HMGCLL1: variants seen among roughly 807,000 people sequenced by gnomAD.
The protein encoded by HMGCLL1 is 3-hydroxy-3-methylglutaryl-CoA lyase like 1, also known as 3-hydroxymethyl-3-methylglutaryl-CoA lyase, cytoplasmic.
HMGCLL1 carries 36 observed loss-of-function variants against 39.1 expected under a neutral mutation model. That is an observed-to-expected ratio of 0.92 (90% confidence interval 0.71 to 1.22). The LOEUF (loss-of-function observed/expected upper bound fraction) is 1.22, where lower values mean the gene tolerates loss of function less well. HMGCLL1 is among the 50% of genes most tolerant of loss of function. HMGCLL1 has a pLI of 0.00. For synonymous variants in HMGCLL1, 149 were observed against 144.0 expected, an observed-to-expected ratio of 1.03 and a Z score of -0.25; for missense variants, 451 against 416.5, an observed-to-expected ratio of 1.08 and a Z score of -0.72.
At chr6:55,469,535 A>G (rs143029483) in intron 7 of HMGCLL1, among the ~76,000 whole-genome samples, 152 of 151,056 alleles carry the variant, frequency 1.0e-3, no homozygotes, top group African/African-American at 3.5e-3. Context: ...ATGTAATAAA[A>G]TGGAAAGGAG....
chr6:55,569,473 A>C (rs1257072525), intron 1 of HMGCLL1, among the ~76,000 whole-genome samples: 1 of 152,202 alleles, frequency 6.6e-6, no homozygotes, highest in Non-Finnish European at 1.5e-5. Context: ...TTTAGGAAGC[A>C]CTGGTATCAT....
chr6:55,502,348 T>C (rs966969992), intron 5 of HMGCLL1, among the ~76,000 whole-genome samples: 1 of 151,780 alleles, frequency 6.6e-6, no homozygotes, highest in Non-Finnish European at 1.5e-5. Flanking sequence ...TATCTCAGGA[T>C]CTGCTATACT....
chr6:55,611,169 A>G, the HMGCLL1 span, among the ~76,000 whole-genome samples: 5 of 152,220 alleles, frequency 3.3e-5, no homozygotes, highest in African/African-American at 1.2e-4. Flanking sequence ...TCCTGTGTAT[A>G]TAATGAAATT....
the HMGCLL1 span, among the ~76,000 whole-genome samples, chr6:55,614,157 A>C: frequency 6.6e-6 from 1 of 152,274 alleles, no homozygotes; most frequent in South Asian, 2.1e-4. Flanking sequence ...ATTGCATTAA[A>C]AATGACCATA....
chr6:55,574,370 T>C (rs1359695976), intron 1 of HMGCLL1, among the ~76,000 whole-genome samples: 5 of 151,718 alleles, frequency 3.3e-5, no homozygotes, highest in African/African-American at 4.8e-5. Flanking sequence ...AATAAGTATA[T>C]AGAAACAAAA....
chr6:55,559,268 T>TA (rs1770820715), intron 1 of HMGCLL1, among the ~76,000 whole-genome samples: 1 of 152,148 alleles, frequency 6.6e-6, no homozygotes, highest in African/African-American at 2.4e-5. Context: ...TTGCCCAAAT[T>TA]TGTTTGTTTC....
Position 55,518,689 on chromosome 6 carries a change from C to A in HMGCLL1, c.298-2086G>T, listed in dbSNP as rs191800872. ...TACGCAAAGAGGCCACATAAGGAGA[C>A]CCTCTTGGAGAACCCATGTGAAGAG... On this transcript the variant is annotated intron_variant, in intron 3 of 8. Coordinates refer to ENST00000274901, the MANE Select transcript of HMGCLL1 (RefSeq NM_001042406.2). Among the ~76,000 whole-genome samples, 7 of 152,252 alleles carry A rather than the reference C, an allele frequency of 4.6e-5. No homozygotes were observed. The East Asian group carries it at 1.2e-3, about 25-fold the overall frequency.
At chr6:55,521,751 A>G (rs1024982940) in intron 3 of HMGCLL1, among the ~76,000 whole-genome samples, 10 of 151,980 alleles carry the variant, frequency 6.6e-5, no homozygotes, top group African/African-American at 2.4e-4. Context: ...AGACACAACA[A>G]TATTGAAATT....
At chr6:55,463,193 C>T (rs1764655586) in intron 7 of HMGCLL1, among the ~76,000 whole-genome samples, 1 of 151,876 alleles carries the variant, frequency 6.6e-6, no homozygotes, top group Non-Finnish European at 1.5e-5. Flanking sequence ...CCATGCCTGG[C>T]TAATTTTTTT....
chr6:55,662,610 T>A, the HMGCLL1 span, among the ~76,000 whole-genome samples: 1 of 151,858 alleles, frequency 6.6e-6, no homozygotes, highest in African/African-American at 2.4e-5. Flanking sequence ...ATTTTTTGCA[T>A]CGATGTTCAT....
the HMGCLL1 span, among the ~76,000 whole-genome samples, chr6:55,658,961 G>A: frequency 6.6e-6 from 1 of 151,896 alleles, no homozygotes; most frequent in Non-Finnish European, 1.5e-5. Flanking sequence ...ACTTCTGTGT[G>A]GAGAATGAAC....
At chr6:55,673,240 T>C in the HMGCLL1 span, among the ~76,000 whole-genome samples, 1 of 151,914 alleles carries the variant, frequency 6.6e-6, no homozygotes, top group Non-Finnish European at 1.5e-5. Flanking sequence ...GTTTCTCTCT[T>C]AGTGGAGAAT....
chr6:55,527,385 G>A (rs1406806208), intron 3 of HMGCLL1, among the ~76,000 whole-genome samples: 1 of 151,882 alleles, frequency 6.6e-6, no homozygotes, highest in Non-Finnish European at 1.5e-5. Flanking sequence ...AACTTCTCAG[G>A]AGATGTTAGA....
At chr6:55,569,916 A>G (rs1344298936) in intron 1 of HMGCLL1, among the ~76,000 whole-genome samples, 1 of 152,168 alleles carries the variant, frequency 6.6e-6, no homozygotes, top group Non-Finnish European at 1.5e-5. Context: ...AACAGCCTTA[A>G]GCTTTCCTTC....
At chr6:55,652,505 A>C in the HMGCLL1 span, among the ~76,000 whole-genome samples, 196 of 152,282 alleles carry the variant, frequency 1.3e-3, no homozygotes, top group African/African-American at 4.4e-3. Context: ...TGCTATGAGA[A>C]TAGAGAATAG....
the HMGCLL1 span, among the ~76,000 whole-genome samples, chr6:55,636,937 T>C: frequency 6.6e-6 from 1 of 152,136 alleles, no homozygotes; most frequent in Non-Finnish European, 1.5e-5. Flanking sequence ...TTTTAAAACC[T>C]TGAGTTAGTT....
the HMGCLL1 span, among the ~76,000 whole-genome samples, chr6:55,601,496 A>G: frequency 6.6e-6 from 1 of 152,194 alleles, no homozygotes; most frequent in Non-Finnish European, 1.5e-5. Context: ...CATTCTATTA[A>G]CCAAAACAAG....
intron 1 of HMGCLL1, chr6:55,566,579 G>C (rs1400817462): frequency 2.2e-6 from 1 of 455,746 alleles, no homozygotes; most frequent in Non-Finnish European, 4.4e-6. Flanking sequence ...CAGAGAAGCT[G>C]CTTAACCCTG....
At chr6:55,503,621 T>C (rs190086424) in intron 5 of HMGCLL1, among the ~76,000 whole-genome samples, 198 of 151,784 alleles carry the variant, frequency 1.3e-3, no homozygotes, top group African/African-American at 4.5e-3. Context: ...AACCCCAGGA[T>C]CAACCCCAAA....
Sources: gnomAD v4.1 joint callset for allele counts (sites outside exome capture counted in the v4.1 genomes callset) on GRCh38, gnomAD v4.1.1 for gene constraint, MANE v1.5 for transcripts, NCBI Gene and HGNC (gene_info 2026-07-23, HGNC 2026-07-21) for gene names.